AP3B1: variants seen among roughly 807,000 people sequenced by gnomAD.
AP3B1 encodes the protein adaptor related protein complex 3 subunit beta 1.
Under a neutral mutation model 132.5 loss-of-function variants are expected in AP3B1, and 61 were observed. That is an observed-to-expected ratio of 0.46 (90% confidence interval 0.37 to 0.57). The LOEUF is 0.57. AP3B1 is among the 20% of genes least tolerant of loss of function. The probability of loss-of-function intolerance (pLI) is 0.00; values close to 1 mark genes in which losing one functional copy is unlikely to be tolerated. For synonymous variants in AP3B1, 388 were observed against 438.3 expected, an observed-to-expected ratio of 0.89 and a Z score of 1.43; for missense variants, 1,120 against 1,289.4, an observed-to-expected ratio of 0.87 and a Z score of 2.01.
intron 22 of AP3B1, among the ~76,000 whole-genome samples, chr5:78,076,533 T>C (rs939998909): frequency 1.3e-5 from 2 of 152,218 alleles, no homozygotes; most frequent in African/African-American, 4.8e-5. Context: ...AGGTGACTCA[T>C]GACAGGTCCC....
At chr5:78,252,579 TG>T (rs1747685212) in intron 2 of AP3B1, among the ~76,000 whole-genome samples, 1 of 152,326 alleles carries the variant, frequency 6.6e-6, no homozygotes, top group African/African-American at 2.4e-5. Flanking sequence ...GGGGGTACTC[TG>T]GCAGTACTCT....
chr5:78,279,567 C>G (rs1748950881), intron 1 of AP3B1, among the ~76,000 whole-genome samples: 1 of 151,786 alleles, frequency 6.6e-6, no homozygotes, highest in African/African-American at 2.4e-5. Flanking sequence ...TCTTCCTATT[C>G]ACCATACTAC....
At chr5:78,234,450 G>T (rs1475216863) in intron 3 of AP3B1, among the ~76,000 whole-genome samples, 5 of 152,040 alleles carry the variant, frequency 3.3e-5, no homozygotes, top group African/African-American at 1.2e-4. Context: ...ACTATTTGAG[G>T]ATAGATGACT....
chr5:78,240,689 T>C (rs996466018), intron 3 of AP3B1, among the ~76,000 whole-genome samples, 173 bp downstream of exon 3: 4 of 152,214 alleles, frequency 2.6e-5, no homozygotes, highest in Non-Finnish European at 5.9e-5. Flanking sequence ...AATCCAAAGC[T>C]AGGATTGTGC....
At chr5:78,214,997 T>A (rs565179868) in intron 7 of AP3B1, among the ~76,000 whole-genome samples, 5 of 152,254 alleles carry the variant, frequency 3.3e-5, no homozygotes, top group African/African-American at 1.2e-4. Context: ...TCTAAACAGT[T>A]TTTAATGCTA....
At chr5:78,124,837 G>C (rs1752393122) in intron 17 of AP3B1, among the ~76,000 whole-genome samples, 1 of 152,116 alleles carries the variant, frequency 6.6e-6, no homozygotes, top group African/African-American at 2.4e-5. Context: ...TAAAACGTTT[G>C]TTGGATTAAT....
intron 22 of AP3B1, among the ~76,000 whole-genome samples, chr5:78,070,400 C>A (rs1233220761): frequency 2.5e-5 from 3 of 119,194 alleles, no homozygotes; most frequent in African/African-American, 1.1e-4. Flanking sequence ...GAGTAAGACT[C>A]CATCTCAAGA....
intron 3 of AP3B1, among the ~76,000 whole-genome samples, chr5:78,230,875 T>C (rs1746618138): frequency 6.6e-6 from 1 of 152,108 alleles, no homozygotes; most frequent in African/African-American, 2.4e-5. Context: ...CCCAGCACTT[T>C]GGGAGGCTGA....
chr5:78,221,167 T>C (rs1470433737), intron 6 of AP3B1, among the ~76,000 whole-genome samples: 1 of 152,212 alleles, frequency 6.6e-6, no homozygotes. Context: ...AAAGGCCATC[T>C]ACTAAGAAAA....
At chr5:78,141,540 T>C (rs1047630424) in intron 14 of AP3B1, among the ~76,000 whole-genome samples, 2 of 152,184 alleles carry the variant, frequency 1.3e-5, no homozygotes, top group Admixed American at 6.5e-5. Context: ...TTAGAAAATA[T>C]TCATACAGCA....
chr5:78,285,622 C>CA (rs1749241802), intron 1 of AP3B1, among the ~76,000 whole-genome samples: 1 of 152,004 alleles, frequency 6.6e-6, no homozygotes, highest in African/African-American at 2.4e-5. Flanking sequence ...TGCCTAATCG[C>CA]ATCTCAAACT....
intron 2 of AP3B1, among the ~76,000 whole-genome samples, chr5:78,258,190 C>T (rs1004430659): frequency 6.6e-6 from 1 of 152,150 alleles, no homozygotes; most frequent in Non-Finnish European, 1.5e-5. Flanking sequence ...AGCTTCTACA[C>T]AGCAAAGGAC....
intron 7 of AP3B1, among the ~76,000 whole-genome samples, chr5:78,187,299 A>G (rs1363594356): frequency 2.0e-5 from 3 of 152,174 alleles, no homozygotes; most frequent in Non-Finnish European, 4.4e-5. Flanking sequence ...TGGTTAATTA[A>G]ACAAATGTTC....
intron 22 of AP3B1, among the ~76,000 whole-genome samples, chr5:78,083,768 A>G (rs1167681847): frequency 6.6e-6 from 1 of 152,214 alleles, no homozygotes; most frequent in East Asian, 1.9e-4. Flanking sequence ...TTTGTCAGGC[A>G]TTATTTTTTA....
intron 24 of AP3B1, among the ~76,000 whole-genome samples, chr5:78,024,981 G>A (rs944080792): frequency 2.0e-5 from 3 of 151,276 alleles, no homozygotes; most frequent in Non-Finnish European, 2.9e-5. Context: ...TTATAGGCAT[G>A]AGCCACTGTG....
intron 24 of AP3B1, among the ~76,000 whole-genome samples, chr5:78,026,103 T>A (rs1747330139): frequency 6.6e-6 from 1 of 152,206 alleles, no homozygotes; most frequent in African/African-American, 2.4e-5. Context: ...CCCCTTTGAT[T>A]AAACAGGGGA....
chr5:78,049,415 T>C (rs1748485094), intron 22 of AP3B1, among the ~76,000 whole-genome samples: 1 of 152,240 alleles, frequency 6.6e-6, no homozygotes, highest in South Asian at 2.1e-4. Context: ...CAATGAGTTG[T>C]ACCAGCCCTG....
intron 26 of AP3B1, among the ~76,000 whole-genome samples, chr5:78,014,077 G>A (rs1283872898): frequency 6.6e-6 from 1 of 152,114 alleles, no homozygotes; most frequent in East Asian, 1.9e-4. Flanking sequence ...GCAGGAGAAT[G>A]GCGTGAACCC....
chr5:78,211,364 C>T (rs995666689), intron 7 of AP3B1, among the ~76,000 whole-genome samples: 2 of 152,156 alleles, frequency 1.3e-5, no homozygotes, highest in Non-Finnish European at 2.9e-5. Context: ...ACTTTGTCAA[C>T]ACTTAATTGT....
Sources: allele counts gnomAD v4.1 joint callset (sites outside exome capture counted in the v4.1 genomes callset), GRCh38; gene constraint gnomAD v4.1.1; transcripts MANE v1.5; gene names NCBI Gene and HGNC (gene_info 2026-07-23, HGNC 2026-07-21).